Variants in TRIM33 observed in about 807,000 individuals in gnomAD.
TRIM33 encodes tripartite motif containing 33.
A neutral mutation model predicts 125.4 loss-of-function variants in TRIM33; 20 were observed. That is an observed-to-expected ratio of 0.16 (90% CI 0.11 to 0.23). The LOEUF (loss-of-function observed/expected upper bound fraction) is 0.23. Ranked by LOEUF, TRIM33 falls within the 10% of genes least tolerant of loss-of-function variation. The probability of loss-of-function intolerance (pLI) is 1.00; values close to 1 mark genes in which losing one functional copy is unlikely to be tolerated. For missense variants in TRIM33, 920 were observed against 1,411.4 expected (o/e 0.65, Z 5.58); for synonymous variants, 564 against 513.9 (o/e 1.10, Z -1.32).
intron 17 of TRIM33, 56 bp downstream of exon 17, chr1:114,401,333 C>A: frequency 6.8e-7 from 1 of 1,473,872 alleles, no homozygotes; most frequent in Non-Finnish European, 9.4e-7. Flanking sequence ...CGCCAGAGCC[C>A]ATACTCTTAA....
chr1:114,418,175 AG>A (rs1280850817), intron 11 of TRIM33, among the ~76,000 whole-genome samples: 19 of 152,218 alleles, frequency 1.2e-4, no homozygotes, highest in Non-Finnish European at 2.8e-4. Context: ...TTCACAAGGC[AG>A]TAGGAGAGAG....
At chr1:114,487,491 C>T (rs2101518825) in intron 1 of TRIM33, among the ~76,000 whole-genome samples, 1 of 151,904 alleles carries the variant, frequency 6.6e-6, no homozygotes, top group South Asian at 2.1e-4. Flanking sequence ...AAAAATTTGT[C>T]ACTAATACCC....
In TRIM33 at chr1:114,510,939, C is replaced by T. The variant is rs912164645; in HGVS notation, c.138G>A (p.Glu46=). ...CGCCGGCCCTGCCGCCTTCCTCCTC[C>T]TCCTCCTCCACCAGCACCGCGGTGA... The part of the protein sequence containing the change: ...PPLTAVLVEE[E]EEEGGRAGAE... Residue 46 remains glutamate (E), a synonymous_variant, in exon 1 of 20, where the codon GAG becomes GAA. Coordinates refer to ENST00000358465, the MANE Select transcript of TRIM33 (RefSeq NM_015906.4). 41 of 1,420,830 alleles carry T rather than the reference C, an allele frequency of 2.9e-5. No individual in the cohort carries two copies. The highest frequency in any genetic ancestry group is 3.4e-5 in the Non-Finnish European group (37 of 1,090,730). The allele number at this position is 1,420,830 out of a possible 1,614,324, so 88.0% of individuals were successfully genotyped here.
chr1:114,463,660 T>A, intron 2 of TRIM33, 104 bp from the exon 3 acceptor site: 1 of 693,794 alleles, frequency 1.4e-6, no homozygotes, highest in South Asian at 1.9e-5. Context: ...GTACACAGAA[T>A]AAAATTATTT....
rs1255787674 is a variant in TRIM33 at position 114,397,576 on chromosome 1, CTGGGTTTTT to C, written c.*63_*71del. 3 of 1,134,974 alleles carry C rather than the reference CTGGGTTTTT, an allele frequency of 2.6e-6. No homozygotes were observed. In the South Asian group the frequency reaches 4.4e-5, roughly 16 times the overall value. The allele number at this position is 1,134,974 out of a possible 1,614,324, so 70.3% of individuals were successfully genotyped here. On this transcript the variant is annotated 3_prime_UTR_variant, in exon 20 of 20. Transcript: ENST00000358465. ...TATTCCAGCAACACTTAAAAGTTTT[CTGGGTTTTT>C]TGTGTTTTTTTTTTTTTTTTCGTTT...
At chr1:114,479,782 A>G (rs1651189850) in intron 1 of TRIM33, among the ~76,000 whole-genome samples, 3 of 97,842 alleles carry the variant, frequency 3.1e-5, no homozygotes, top group Admixed American at 9.3e-5. Context: ...TGTTAAAGAT[A>G]TATCATAATT....
intron 3 of TRIM33, 88 bp from the exon 4 acceptor site, chr1:114,463,324 T>TATCTATTGATGTTGCTATCTAC: frequency 6.4e-7 from 1 of 1,553,924 alleles, no homozygotes; most frequent in African/African-American, 1.4e-5. Context: ...CTATCCAAAG[T>TATCTATTGATGTTGCTATCTAC]TTATAAAGAA....
chr1:114,425,781 G>C, intron 8 of TRIM33, 58 bp from the exon 9 acceptor site: 1 of 1,278,310 alleles, frequency 7.8e-7, no homozygotes, highest in East Asian at 2.4e-5. Flanking sequence ...CTACTTTGTT[G>C]AGTAATCACC....
intron 4 of TRIM33, among the ~76,000 whole-genome samples, chr1:114,458,806 C>A (rs923657337): frequency 2.0e-5 from 3 of 152,090 alleles, no homozygotes; most frequent in African/African-American, 7.2e-5. Context: ...ACTTTGGTTA[C>A]TGTTAAGTAT....
chr1:114,434,206 A>G (rs1478853696), intron 4 of TRIM33, among the ~76,000 whole-genome samples: 1 of 152,170 alleles, frequency 6.6e-6, no homozygotes, highest in Non-Finnish European at 1.5e-5. Flanking sequence ...GACAAGGTCT[A>G]TGTTACCCAG....
At chr1:114,418,826 G>A (rs1332336731) in intron 11 of TRIM33, among the ~76,000 whole-genome samples, 2 of 151,858 alleles carry the variant, frequency 1.3e-5, no homozygotes, top group Non-Finnish European at 2.9e-5. Context: ...AGCAATTAAG[G>A]GGGATTTTCC....
intron 1 of TRIM33, among the ~76,000 whole-genome samples, chr1:114,492,389 G>T (rs1343992932): frequency 6.6e-6 from 1 of 152,116 alleles, no homozygotes; most frequent in Non-Finnish European, 1.5e-5. Context: ...TATTATGTAT[G>T]TATATTATGT....
chr1:114,498,966 G>A (rs1652550252), intron 1 of TRIM33, among the ~76,000 whole-genome samples: 1 of 152,006 alleles, frequency 6.6e-6, no homozygotes, highest in African/African-American at 2.4e-5. Context: ...CTGATAAATA[G>A]ATGAAGAGAT....
chr1:114,505,942 A>G (rs1316038356), intron 1 of TRIM33, among the ~76,000 whole-genome samples: 3 of 152,202 alleles, frequency 2.0e-5, no homozygotes, highest in Non-Finnish European at 4.4e-5. Flanking sequence ...ACAAACTATA[A>G]GGACATTAAA....
chr1:114,457,549 A>G (rs1649699873), intron 4 of TRIM33, among the ~76,000 whole-genome samples: 1 of 152,220 alleles, frequency 6.6e-6, no homozygotes, highest in Non-Finnish European at 1.5e-5. Flanking sequence ...AGAGTTCCCT[A>G]TAAAATAGAA....
intron 4 of TRIM33, among the ~76,000 whole-genome samples, chr1:114,448,920 A>C (rs1038145759): frequency 2.0e-5 from 3 of 152,154 alleles, no homozygotes; most frequent in Non-Finnish European, 2.9e-5. Context: ...TGACAAGAAC[A>C]CTGGAAAGGA....
chr1:114,407,202 C>T (rs943511527), intron 13 of TRIM33, 102 bp from the exon 14 acceptor site: 95 of 981,880 alleles, frequency 9.7e-5, no homozygotes, highest in Non-Finnish European at 1.3e-4. Context: ...AGACAATAGA[C>T]AATTAACTTT....
At chr1:114,399,144 C>T (rs1468357398) in intron 18 of TRIM33, among the ~76,000 whole-genome samples, 3 of 151,938 alleles carry the variant, frequency 2.0e-5, no homozygotes, top group African/African-American at 4.8e-5. Context: ...GTACCCAAAA[C>T]GTAAGCTGTT....
intron 1 of TRIM33, among the ~76,000 whole-genome samples, chr1:114,492,532 A>C (rs1652133451): frequency 6.6e-6 from 1 of 152,064 alleles, no homozygotes; most frequent in Non-Finnish European, 1.5e-5. Context: ...ATTAAGCAAC[A>C]ATCGCCCATT....
Sources: allele counts gnomAD v4.1 joint callset (sites outside exome capture counted in the v4.1 genomes callset), GRCh38; gene constraint gnomAD v4.1.1; transcripts MANE v1.5; gene names NCBI Gene and HGNC (gene_info 2026-07-23, HGNC 2026-07-21).